Variants in GLCE observed in about 807,000 individuals in gnomAD.
GLCE encodes the protein D-glucuronyl C5-epimerase.
In GLCE, 19 loss-of-function variants were observed where a neutral mutation model predicts 47.9. The observed-to-expected ratio is 0.40, with a 90% CI of 0.28 to 0.58. GLCE has a LOEUF of 0.58. Among genes scored for constraint, GLCE ranks in the 20% least tolerant of loss-of-function variants. The probability of loss-of-function intolerance (pLI) is 0.48; values close to 1 mark genes in which losing one functional copy is unlikely to be tolerated. For synonymous variants in GLCE, 245 were observed against 263.4 expected, an observed-to-expected ratio of 0.93 and a Z score of 0.68; for missense variants, 556 against 743.3, an observed-to-expected ratio of 0.75 and a Z score of 2.93.
At position 69,161,469 on chromosome 15, in the gene GLCE, A is replaced by C. The variant is rs11635452; in HGVS notation, c.-105+712A>C. Reference sequence around the variant, plus strand: ...CTGCTTTGCCCGGAGCGGGGCGGTAACTTGGCATGGTCTCCAGTCTTTTGG... The same window carrying C: ...CTGCTTTGCCCGGAGCGGGGCGGTACCTTGGCATGGTCTCCAGTCTTTTGG... On this transcript the variant is annotated intron_variant, in intron 1 of 4. Transcript: ENST00000261858. Among the ~76,000 whole-genome samples, 725 of 151,262 alleles carry C rather than the reference A, an allele frequency of 4.8e-3. 1 individual carries two copies. Among genetic ancestry groups the C allele is most frequent in the Non-Finnish European group, 7.2e-3 (487 of 67,860 alleles).
intron 1 of GLCE, among the ~76,000 whole-genome samples, chr15:69,188,418 CTT>C (rs2051861614): frequency 6.6e-6 from 1 of 152,094 alleles, no homozygotes; most frequent in South Asian, 2.1e-4. Context: ...TCATGGTGCC[CTT>C]TTAGAATGAC....
At chr15:69,170,066 A>G (rs530813977) in intron 1 of GLCE, among the ~76,000 whole-genome samples, 2 of 152,320 alleles carry the variant, frequency 1.3e-5, no homozygotes, top group African/African-American at 4.8e-5. Flanking sequence ...AAAAACATTA[A>G]GTCAAAAGAT....
chr15:69,264,110 T>A (rs10152849), intron 4 of GLCE, among the ~76,000 whole-genome samples: 22,003 of 151,678 alleles, frequency 0.15, 1,776 homozygotes, highest in African/African-American at 0.21. Flanking sequence ...GACCCCTAGA[T>A]CTTACTCATC....
chr15:69,270,585 G>A lies in GLCE; in HGVS notation c.*1341G>A, dbSNP rs950073679. 2.6e-5 allele frequency: 4 copies of A among 152,042 alleles called. No individual in the cohort carries two copies. Among genetic ancestry groups the A allele is most frequent in the Non-Finnish European group, 5.9e-5 (4 of 68,024 alleles). 9.4% of individuals were successfully genotyped at this position (152,042 alleles called of 1,614,324 possible). Reference sequence around the variant, plus strand: ...AAAATATGATACCCTACACTTTCAGGGGACCGAGTCTGACAAACACAATAC... The same window carrying A: ...AAAATATGATACCCTACACTTTCAGAGGACCGAGTCTGACAAACACAATAC... On this transcript the variant is annotated 3_prime_UTR_variant, in exon 5 of 5. Coordinates refer to ENST00000261858, the MANE Select transcript of GLCE (RefSeq NM_015554.3).
chr15:69,197,796 A>T (rs1426824181), intron 1 of GLCE, among the ~76,000 whole-genome samples: 2 of 152,054 alleles, frequency 1.3e-5, no homozygotes, highest in Non-Finnish European at 2.9e-5. Context: ...GTAAAGGGGG[A>T]ACTATGCACA....
At chr15:69,247,178 G>A (rs2052763735) in intron 2 of GLCE, among the ~76,000 whole-genome samples, 2 of 152,206 alleles carry the variant, frequency 1.3e-5, no homozygotes, top group Non-Finnish European at 2.9e-5. Context: ...TCTTCTAATA[G>A]AAGACTGCTT....
At chr15:69,171,436 G>C (rs954932075) in intron 1 of GLCE, among the ~76,000 whole-genome samples, 2 of 148,704 alleles carry the variant, frequency 1.3e-5, no homozygotes. Context: ...TCGCACTGTC[G>C]CCCGGGCTGG....
At chr15:69,257,759 C>A (rs2052948057) in intron 3 of GLCE, among the ~76,000 whole-genome samples, 1 of 151,970 alleles carries the variant, frequency 6.6e-6, no homozygotes, top group Non-Finnish European at 1.5e-5. Context: ...TGTACTTAGA[C>A]ATATGTTTTA....
chr15:69,219,161 G>A (rs1413185847), intron 2 of GLCE, among the ~76,000 whole-genome samples: 2 of 151,834 alleles, frequency 1.3e-5, no homozygotes, highest in Non-Finnish European at 2.9e-5. Context: ...TGTTATATTA[G>A]CAGTCTTATT....
At chr15:69,206,844 A>G (rs7180907) in intron 1 of GLCE, among the ~76,000 whole-genome samples, 14,190 of 152,046 alleles carry the variant, frequency 0.093, 825 homozygotes, top group East Asian at 0.16. Context: ...TCACCATTTC[A>G]AGGCCTTCTC....
At chr15:69,186,799 T>A (rs1244983165) in intron 1 of GLCE, among the ~76,000 whole-genome samples, 1 of 152,210 alleles carries the variant, frequency 6.6e-6, no homozygotes, top group Non-Finnish European at 1.5e-5. Flanking sequence ...ATTATAAGCT[T>A]TAGGGCTTTG....
At chr15:69,183,161 TAAG>T (rs1177432709) in intron 1 of GLCE, among the ~76,000 whole-genome samples, 2 of 152,102 alleles carry the variant, frequency 1.3e-5, no homozygotes, top group African/African-American at 2.4e-5. Flanking sequence ...TTTCTGATAA[TAAG>T]AAACTGACAA....
At chr15:69,263,353 T>C (rs2053040283) in intron 4 of GLCE, among the ~76,000 whole-genome samples, 1 of 151,960 alleles carries the variant, frequency 6.6e-6, no homozygotes, top group Non-Finnish European at 1.5e-5. Context: ...TAAGAGGAAA[T>C]TGGAACTTGT....
chr15:69,166,314 A>G (rs2051500574), intron 1 of GLCE, among the ~76,000 whole-genome samples: 1 of 152,220 alleles, frequency 6.6e-6, no homozygotes, highest in South Asian at 2.1e-4. Context: ...TCCAGACTCT[A>G]TGCTTTTTCT....
At chr15:69,264,965 C>A (rs2053065122) in intron 4 of GLCE, among the ~76,000 whole-genome samples, 2 of 152,002 alleles carry the variant, frequency 1.3e-5, no homozygotes. Flanking sequence ...TGTACATATT[C>A]TCTCCTATTC....
chr15:69,161,225 A>G (rs2051414747), intron 1 of GLCE, among the ~76,000 whole-genome samples: 1 of 151,718 alleles, frequency 6.6e-6, no homozygotes, highest in East Asian at 1.9e-4. Flanking sequence ...CTCTGGAGGC[A>G]GATCATCGGG....
intron 2 of GLCE, among the ~76,000 whole-genome samples, chr15:69,221,545 G>A (rs778776071): frequency 6.2e-5 from 9 of 145,162 alleles, no homozygotes; most frequent in Non-Finnish European, 1.2e-4. Flanking sequence ...ATTGTTCATT[G>A]TTATTATATA....
rs1362148530 is a variant in GLCE at position 69,256,509 on chromosome 15, C to CT, written c.586+118dup. On this transcript the variant is annotated intron_variant, in intron 3 of 4. Coordinates refer to ENST00000261858, the MANE Select transcript of GLCE (RefSeq NM_015554.3). ...TACTGTCAAAAGACCTTTCATCACT[C>CT]TAATTTAGCAGGGAGGAACAGGTTA... The CT allele has an allele frequency of 4.0e-6, 3 of 744,834 alleles. No individual in the cohort carries two copies. In the East Asian group the frequency reaches 7.6e-5, roughly 19 times the overall value. The allele number at this position is 744,834 out of a possible 1,614,324, so 46.1% of individuals were successfully genotyped here.
At chr15:69,165,609 A>G (rs1251682698) in intron 1 of GLCE, among the ~76,000 whole-genome samples, 3 of 141,720 alleles carry the variant, frequency 2.1e-5, no homozygotes, top group East Asian at 2.1e-4. Flanking sequence ...CCTCTTCCCA[A>G]CCCTAGGTGT....
Sources: allele counts gnomAD v4.1 joint callset (sites outside exome capture counted in the v4.1 genomes callset), GRCh38; gene constraint gnomAD v4.1.1; transcripts MANE v1.5; gene names NCBI Gene and HGNC (gene_info 2026-07-23, HGNC 2026-07-21).